Variants in SLC4A1AP observed in about 807,000 individuals in gnomAD.
The protein encoded by SLC4A1AP is kanadaptin.
A neutral mutation model predicts 89.7 loss-of-function variants in SLC4A1AP; 64 were observed. The ratio of observed to expected loss-of-function variants is 0.71; its 90% CI spans 0.58 to 0.88. The LOEUF is 0.88. Ranked by LOEUF, SLC4A1AP falls within the 40% of genes least tolerant of loss-of-function variation. SLC4A1AP has a pLI of 0.00. For missense variants in SLC4A1AP, 931 were observed against 965.0 expected (o/e 0.96, Z 0.47); for synonymous variants, 366 against 353.3 (o/e 1.04, Z -0.40).
chr2:27,680,199 C>T (rs1013883293), intron 8 of SLC4A1AP, among the ~76,000 whole-genome samples: 3 of 152,040 alleles, frequency 2.0e-5, no homozygotes, highest in East Asian at 1.9e-4. Flanking sequence ...TGGAAAGATT[C>T]GTTAAAAATT....
chr2:27,685,253 C>T (rs769736963), exon 10 of SLC4A1AP: 4 of 1,610,678 alleles, frequency 2.5e-6, no homozygotes. Flanking sequence ...AGATCTCACA[C>T]ATTTTAAAGA....
intron 8 of SLC4A1AP, among the ~76,000 whole-genome samples, chr2:27,680,990 T>C (rs2148137001): frequency 6.6e-6 from 1 of 152,258 alleles, no homozygotes; most frequent in South Asian, 2.1e-4. Flanking sequence ...TTTTCACTTA[T>C]GGGTTGAACT....
intron 5 of SLC4A1AP, among the ~76,000 whole-genome samples, chr2:27,670,873 T>A (rs116487991): frequency 0.012 from 1,828 of 151,098 alleles, 36 homozygotes; most frequent in African/African-American, 0.041. Context: ...AAATAAATAA[T>A]TAATTAAATT....
intron 5 of SLC4A1AP, among the ~76,000 whole-genome samples, chr2:27,671,734 T>C (rs1205346670): frequency 6.6e-6 from 1 of 152,246 alleles, no homozygotes; most frequent in Non-Finnish European, 1.5e-5. Flanking sequence ...TCTGTACTTT[T>C]AGCAGATTAA....
In SLC4A1AP at chr2:27,665,223, G is replaced by T. The variant is rs1243668993; in HGVS notation, c.949G>T (p.Glu317Ter). ...AGGAGAAGACTCAGATGAAGAAGAG[G>T]AAATGGATACCTCTGAAAGGAAGAT... The change falls in exon 2 of 14, where the codon GAA becomes TAA. Residue 317 changes from glutamate to a stop codon, truncating the protein, a stop_gained. Coordinates refer to ENST00000613058, the Ensembl canonical transcript of SLC4A1AP. LOFTEE classifies it high-confidence loss of function. 6 of 1,613,638 alleles carry T rather than the reference G, an allele frequency of 3.7e-6. No homozygotes were observed. The highest frequency in any genetic ancestry group is 3.3e-5 in the Admixed American group (2 of 59,968).
rs561320882 is a variant in SLC4A1AP at position 27,668,696 on chromosome 2, C to T, written c.1145-147C>T. 1.1e-4 allele frequency: 83 copies of T among 763,554 alleles called. No homozygotes were observed. In the South Asian group the frequency reaches 1.1e-3, roughly 10 times the overall value. 47.3% of individuals were successfully genotyped at this position (763,554 alleles called of 1,614,324 possible). The stretch of plus-strand genomic sequence containing the variant: ...CGCTCCTTAACTCAAGCTGTCATCC[C>T]GCCTCAGCCTCCCAAAGTGTTAGGA... On this transcript the variant is annotated intron_variant, in intron 3 of 13. Transcript: ENST00000613058.
At chr2:27,687,190 GT>G (rs1675716325) in intron 10 of SLC4A1AP, among the ~76,000 whole-genome samples, 1 of 152,064 alleles carries the variant, frequency 6.6e-6, no homozygotes. Context: ...AAGGAGCATA[GT>G]GGTTCATCAC....
At chr2:27,681,839 A>G (rs1296154829) in intron 8 of SLC4A1AP, among the ~76,000 whole-genome samples, 2 of 152,002 alleles carry the variant, frequency 1.3e-5, no homozygotes, top group African/African-American at 4.8e-5. Context: ...TTAAGTGCTC[A>G]GAGCTATTGC....
exon 1 of SLC4A1AP, chr2:27,664,194 C>T (rs775703256): frequency 6.2e-7 from 1 of 1,614,152 alleles, no homozygotes; most frequent in South Asian, 1.1e-5. Flanking sequence ...CCCTGGCGGT[C>T]CAGCCCGGGC....
chr2:27,667,241 C>T, intron 2 of SLC4A1AP, 27 bp from the exon 3 acceptor site: 1 of 1,591,850 alleles, frequency 6.3e-7, no homozygotes, highest in African/African-American at 1.4e-5. Context: ...GTCTGATTAT[C>T]TTTTCTTTCT....
At chr2:27,684,139 A>G (rs1005531838) in intron 9 of SLC4A1AP, among the ~76,000 whole-genome samples, 3 of 152,092 alleles carry the variant, frequency 2.0e-5, no homozygotes, top group Non-Finnish European at 4.4e-5. Flanking sequence ...TTTAAAAGAT[A>G]ATATAGGCCG....
intron 5 of SLC4A1AP, among the ~76,000 whole-genome samples, chr2:27,673,324 C>CT (rs1269226515): frequency 7.8e-4 from 2 of 2,572 alleles, no homozygotes; most frequent in African/African-American, 8.8e-4. Context: ...CTCTCTCTCT[C>CT]TTTCTTTTCT....
At chr2:27,693,338 A>G (rs1235833333) in intron 12 of SLC4A1AP, 1 of 207,362 alleles carries the variant, frequency 4.8e-6, no homozygotes, top group Non-Finnish European at 9.5e-6. Flanking sequence ...TGTTACCTAG[A>G]TACTTTTCTT....
chr2:27,691,028 T>C (rs888493921), intron 12 of SLC4A1AP, among the ~76,000 whole-genome samples: 2 of 152,146 alleles, frequency 1.3e-5, no homozygotes, highest in Non-Finnish European at 2.9e-5. Context: ...TTCCTAGTTT[T>C]TGTATCAGGG....
chr2:27,669,423 A>G, intron 5 of SLC4A1AP, 36 bp downstream of exon 5: 1 of 1,449,840 alleles, frequency 6.9e-7, no homozygotes, highest in Non-Finnish European at 9.1e-7. Flanking sequence ...CTAGATTTAA[A>G]AAAAGGAAAA....
At chr2:27,668,264 T>A (rs1675365745) in intron 3 of SLC4A1AP, among the ~76,000 whole-genome samples, 1 of 152,132 alleles carries the variant, frequency 6.6e-6, no homozygotes, top group Admixed American at 6.6e-5. Flanking sequence ...TTCTCCTGCG[T>A]CAGCCTCCCG....
At chr2:27,691,185 G>C (rs1051300218) in intron 12 of SLC4A1AP, among the ~76,000 whole-genome samples, 4 of 151,608 alleles carry the variant, frequency 2.6e-5, no homozygotes, top group Admixed American at 2.6e-4. Context: ...TTTTTTTGTT[G>C]GTGGTAATAT....
intron 8 of SLC4A1AP, among the ~76,000 whole-genome samples, chr2:27,678,937 T>G (rs1675568557): frequency 6.6e-6 from 1 of 152,006 alleles, no homozygotes. Context: ...AAGCTGGTCT[T>G]GAACTCCTGG....
rs906365188 is a variant in SLC4A1AP at position 27,687,920 on chromosome 2, A to G, written c.2117-14A>G. ...TTAAATCATGACAATATGATTTGATATTGCTTTTTATAGAAAACATGTCTC... is the reference window on the plus strand; with the variant it reads ...TTAAATCATGACAATATGATTTGATGTTGCTTTTTATAGAAAACATGTCTC... On this transcript the variant is annotated splice_polypyrimidine_tract_variant and intron_variant, in intron 10 of 13. Coordinates refer to ENST00000613058, the Ensembl canonical transcript of SLC4A1AP. 6.3e-7 allele frequency: 1 copy of G among 1,598,898 alleles called. No homozygotes were observed. The highest frequency in any genetic ancestry group is 1.7e-5 in the Admixed American group (1 of 59,786).
Sources: gnomAD v4.1 joint callset for allele counts (sites outside exome capture counted in the v4.1 genomes callset) on GRCh38, gnomAD v4.1.1 for gene constraint, MANE v1.5 for transcripts, NCBI Gene and HGNC (gene_info 2026-07-23, HGNC 2026-07-21) for gene names.